The following C11orf65 variants were observed in gnomAD, a reference collection of about 807,000 sequenced individuals.
The protein encoded by C11orf65 is chromosome 11 open reading frame 65.
Under a neutral mutation model 35.3 loss-of-function variants are expected in C11orf65, and 38 were observed. The observed-to-expected ratio is 1.08, with a 90% CI of 0.83 to 1.41. The LOEUF (loss-of-function observed/expected upper bound fraction) is 1.41. Ranked by LOEUF, C11orf65 falls within the 40% of genes most tolerant of loss-of-function variation. The pLI is 0.00. For synonymous variants in C11orf65, 105 were observed against 114.4 expected (o/e 0.92, Z 0.53); for missense variants, 370 against 367.1 (o/e 1.01, Z -0.06).
In C11orf65 at chr11:108,423,463, G is replaced by C. The variant is rs567382419; in HGVS notation, c.174+8283C>G. The stretch of plus-strand genomic sequence containing the variant: ...TCCCCTCACAGAGCACCTGGGGGAA[G>C]GGGTGGCTGTGGGTGTAGCTTCAGC... On this transcript the variant is annotated intron_variant, in intron 3 of 8. Coordinates refer to ENST00000393084, the MANE Select transcript of C11orf65 (RefSeq NM_152587.5). Among the ~76,000 whole-genome samples the C allele has an allele frequency of 7.1e-4, 108 of 152,304 alleles. 1 individual carries two copies. Among genetic ancestry groups the C allele is most frequent in the African/African-American group, 2.5e-3 (102 of 41,566 alleles).
At chr11:108,348,967 G>C (rs559081362) in intron 2 of C11orf65, among the ~76,000 whole-genome samples, 1 of 152,104 alleles carries the variant, frequency 6.6e-6, no homozygotes, top group Admixed American at 6.5e-5. Flanking sequence ...AGAAAAAGAA[G>C]TGTGAATGTA....
At chr11:108,429,381 C>T (rs1241842706) in intron 3 of C11orf65, among the ~76,000 whole-genome samples, 2 of 149,178 alleles carry the variant, frequency 1.3e-5, no homozygotes, top group Non-Finnish European at 3.0e-5. Flanking sequence ...TATGATTTTA[C>T]TCTTTCTCCT....
At chr11:108,354,978 A>AG (rs1402778452) in intron 2 of C11orf65, 2 of 980,948 alleles carry the variant, frequency 2.0e-6, no homozygotes, top group African/African-American at 1.6e-5. Context: ...ATTTTAACAT[A>AG]GGGGGATGTG....
intron 2 of C11orf65, among the ~76,000 whole-genome samples, chr11:108,442,255 G>A (rs1157035978): frequency 1.3e-5 from 2 of 151,864 alleles, no homozygotes; most frequent in Non-Finnish European, 2.9e-5. Flanking sequence ...ATGAAAGGAA[G>A]CCAGAAGAGA....
At chr11:108,431,357 T>C (rs2092987273) in intron 3 of C11orf65, among the ~76,000 whole-genome samples, 1 of 152,214 alleles carries the variant, frequency 6.6e-6, no homozygotes, top group South Asian at 2.1e-4. Flanking sequence ...TTTAGCTACA[T>C]AAATGTATTG....
chr11:108,437,094 CA>C (rs34835160), intron 2 of C11orf65, among the ~76,000 whole-genome samples: 2 of 72,386 alleles, frequency 2.8e-5, no homozygotes, highest in Non-Finnish European at 5.1e-5. Flanking sequence ...CCCATTACGA[CA>C]AAAAAAAAAA....
At chr11:108,380,447 T>A (rs1001173145), downstream of C11orf65, among the ~76,000 whole-genome samples, 1 of 152,216 alleles carries the variant, frequency 6.6e-6, no homozygotes, top group Non-Finnish European at 1.5e-5. Flanking sequence ...AATTGACTTA[T>A]AAGGTGTGGA....
At chr11:108,444,287 T>C (rs1007357596) in intron 2 of C11orf65, among the ~76,000 whole-genome samples, 20 of 152,146 alleles carry the variant, frequency 1.3e-4, no homozygotes, top group African/African-American at 3.9e-4. Flanking sequence ...AATCCCTGAA[T>C]AGACCAATAA....
intron 2 of C11orf65, among the ~76,000 whole-genome samples, chr11:108,454,319 A>G (rs1248556681): frequency 1.7e-5 from 2 of 117,528 alleles, no homozygotes; most frequent in African/African-American, 3.2e-5. Context: ...TTTTTTTTTG[A>G]GACACTTTCA....
chr11:108,462,256 G>A (rs2093481714), intron 1 of C11orf65, among the ~76,000 whole-genome samples: 1 of 152,124 alleles, frequency 6.6e-6, no homozygotes, highest in Non-Finnish European at 1.5e-5. Flanking sequence ...TGTTTCCCAG[G>A]CTGGTCTTGA....
At chr11:108,409,823 TGCATAC>T (rs1040066817) in intron 3 of C11orf65, among the ~76,000 whole-genome samples, 16 of 152,148 alleles carry the variant, frequency 1.1e-4, no homozygotes, top group Non-Finnish European at 1.5e-5. Flanking sequence ...GGATCTAGGT[TGCATAC>T]GCCTTATGAG....
chr11:108,393,815 G>C (rs2092232193), intron 6 of C11orf65, among the ~76,000 whole-genome samples: 1 of 152,110 alleles, frequency 6.6e-6, no homozygotes, highest in Non-Finnish European at 1.5e-5. Flanking sequence ...AAGAGAGGAA[G>C]AGGTAAAGGG....
intron 6 of C11orf65, among the ~76,000 whole-genome samples, chr11:108,316,724 A>G (rs898172911): frequency 3.2e-4 from 46 of 144,964 alleles, no homozygotes; most frequent in African/African-American, 1.2e-3. Context: ...CCTGGCTAAC[A>G]CGGTGAAACC....
At chr11:108,436,236 C>A (rs184301812) in intron 2 of C11orf65, among the ~76,000 whole-genome samples, 2 of 152,114 alleles carry the variant, frequency 1.3e-5, no homozygotes, top group Middle Eastern at 3.2e-3. Flanking sequence ...GCTCTGCTGA[C>A]GCTTGATTTT....
chr11:108,341,690 ATCATTTTAATATAAAGAACAAGGGATT>A (rs2087601062), intron 2 of C11orf65, among the ~76,000 whole-genome samples: 1 of 152,244 alleles, frequency 6.6e-6, no homozygotes, highest in Admixed American at 6.5e-5. Context: ...AACAAAAAGG[ATCATTTTAATATAAAGAACAAGGGATT>A]TATATGAAGA....
intron 2 of C11orf65, among the ~76,000 whole-genome samples, chr11:108,376,778 T>C (rs1256637791): frequency 6.6e-6 from 1 of 151,358 alleles, no homozygotes; most frequent in African/African-American, 2.4e-5. Flanking sequence ...ATAGACACAA[T>C]AAAAAATGAT....
At chr11:108,393,676 G>T (rs1464492622) in intron 6 of C11orf65, among the ~76,000 whole-genome samples, 1 of 152,136 alleles carries the variant, frequency 6.6e-6, no homozygotes, top group East Asian at 1.9e-4. Context: ...AGTGGAAAGG[G>T]TCTTAGAAAC....
At chr11:108,437,794 A>C (rs2093087242) in intron 2 of C11orf65, among the ~76,000 whole-genome samples, 1 of 149,228 alleles carries the variant, frequency 6.7e-6, no homozygotes, top group Admixed American at 6.7e-5. Flanking sequence ...AAGCCTTAGT[A>C]TTGTTAAGAT....
chr11:108,363,474 C>T (rs2137794026), intron 2 of C11orf65, among the ~76,000 whole-genome samples: 1 of 152,304 alleles, frequency 6.6e-6, no homozygotes, highest in South Asian at 2.1e-4. Context: ...TGATGCTTAG[C>T]CAAGAGCAGT....
Sources: gnomAD v4.1 joint callset for allele counts (sites outside exome capture counted in the v4.1 genomes callset) on GRCh38, gnomAD v4.1.1 for gene constraint, MANE v1.5 for transcripts, NCBI Gene and HGNC (gene_info 2026-07-23, HGNC 2026-07-21) for gene names.